The following C16orf74 variants were observed in gnomAD, a reference collection of about 807,000 sequenced individuals.
C16orf74 encodes uncharacterized protein C16orf74.
C16orf74 carries 10 observed loss-of-function variants against 6.5 expected under a neutral mutation model. The observed-to-expected ratio is 1.54, with a 90% CI of 0.95 to 2.61. The LOEUF is 2.61. Among genes scored for constraint, C16orf74 ranks in the 30% most tolerant of loss-of-function variants. The pLI, the probability that C16orf74 is intolerant of heterozygous loss-of-function variation, is 0.00. For synonymous variants in C16orf74, 60 were observed against 42.5 expected, an observed-to-expected ratio of 1.41 and a Z score of -1.60; for missense variants, 141 against 105.9, an observed-to-expected ratio of 1.33 and a Z score of -1.45.
At chr16:85,717,690 A>G (rs1301803991) in intron 2 of C16orf74, among the ~76,000 whole-genome samples, 3 of 152,172 alleles carry the variant, frequency 2.0e-5, no homozygotes, top group Non-Finnish European at 4.4e-5. Context: ...TCCTGCATTC[A>G]ACCCTCACAC....
chr16:85,711,251 G>C (rs2053966782), intron 2 of C16orf74, among the ~76,000 whole-genome samples: 2 of 150,860 alleles, frequency 1.3e-5, no homozygotes, highest in Non-Finnish European at 2.9e-5. Flanking sequence ...GGGAGGCAGA[G>C]GTTGAAGTAG....
At position 85,727,886 on chromosome 16, in the gene C16orf74, C is replaced by T. The variant is rs1218018993; in HGVS notation, c.28+7304G>A. Among the ~76,000 whole-genome samples, 10 of 150,504 alleles carry T rather than the reference C, an allele frequency of 6.6e-5. No homozygotes were observed. In the East Asian group the frequency reaches 1.4e-3, roughly 21 times the overall value. ...GGGTGCGGTGGCTCATGCCTGAAAT[C>T]CTAGCACCTTGGGAGGTCCAGGCTT... On this transcript the variant is annotated intron_variant, in intron 2 of 3. Coordinates refer to ENST00000284245, the MANE Select transcript of C16orf74 (RefSeq NM_206967.3).
Position 85,707,878 on chromosome 16 carries a change from A to C in C16orf74, c.*130T>G. The C allele has an allele frequency of 1.4e-6, 1 of 714,970 alleles. No homozygotes were observed. Among genetic ancestry groups the C allele is most frequent in the South Asian group, 1.8e-5 (1 of 56,980 alleles). 44.3% of individuals were successfully genotyped at this position (714,970 alleles called of 1,614,324 possible). On this transcript the variant is annotated 3_prime_UTR_variant, in exon 4 of 4. Coordinates refer to ENST00000284245, the MANE Select transcript of C16orf74 (RefSeq NM_206967.3). ...TCGCTGGTCCTGCCACGTCTCTCTG[A>C]GCGGAGGCCCGGGTTCGCTCAGTTC...
At chr16:85,733,155 G>A (rs1339748723) in intron 2 of C16orf74, among the ~76,000 whole-genome samples, 1 of 152,198 alleles carries the variant, frequency 6.6e-6, no homozygotes, top group Non-Finnish European at 1.5e-5. Context: ...ACAACCCAGT[G>A]TCCATCGTTG....
At chr16:85,710,419 G>C in intron 2 of C16orf74, 112 bp from the exon 3 acceptor site, 1 of 1,057,026 alleles carries the variant, frequency 9.5e-7, no homozygotes, top group Non-Finnish European at 1.3e-6. Flanking sequence ...CCTGGGTCCT[G>C]ACGCCTCGCA....
intron 1 of C16orf74, among the ~76,000 whole-genome samples, chr16:85,747,353 G>A (rs1413133472): frequency 2.0e-5 from 3 of 152,178 alleles, no homozygotes; most frequent in Non-Finnish European, 2.9e-5. Context: ...TTGGGGGGCT[G>A]AGTTGGGAGG....
At chr16:85,743,701 C>T (rs369584943) in intron 1 of C16orf74, 2 of 152,018 alleles carry the variant, frequency 1.3e-5, no homozygotes, top group Non-Finnish European at 2.9e-5. Flanking sequence ...AGCAGATCAC[C>T]TGAGGTCAGG....
intron 2 of C16orf74, among the ~76,000 whole-genome samples, chr16:85,718,690 T>C (rs1245328818): frequency 6.6e-6 from 1 of 152,214 alleles, no homozygotes; most frequent in Non-Finnish European, 1.5e-5. Flanking sequence ...TCTATATGCG[T>C]TTTGTGGATG....
At chr16:85,717,045 C>T (rs76096233) in intron 2 of C16orf74, among the ~76,000 whole-genome samples, 1,578 of 152,320 alleles carry the variant, frequency 0.01, 29 homozygotes, top group African/African-American at 0.035. Context: ...AGGAAGACCT[C>T]CCCACTTCCG....
chr16:85,724,580 C>G (rs1232119424), intron 2 of C16orf74, among the ~76,000 whole-genome samples: 4 of 151,484 alleles, frequency 2.6e-5, no homozygotes, highest in Non-Finnish European at 5.9e-5. Flanking sequence ...AAGAGCTGAA[C>G]CTGCCTGGTG....
intron 1 of C16orf74, among the ~76,000 whole-genome samples, chr16:85,737,421 G>A (rs1171196273): frequency 1.3e-5 from 2 of 152,196 alleles, no homozygotes; most frequent in African/African-American, 4.8e-5. Context: ...TTTTCTTCCG[G>A]ATTAGGTAAC....
chr16:85,747,381 G>A (rs2054385921), intron 1 of C16orf74, among the ~76,000 whole-genome samples: 2 of 152,116 alleles, frequency 1.3e-5, no homozygotes, highest in Admixed American at 6.6e-5. Context: ...GAGCCCAGGA[G>A]GTTGAGGCTG....
At chr16:85,737,559 G>A (rs1402599363) in intron 1 of C16orf74, among the ~76,000 whole-genome samples, 1 of 152,224 alleles carries the variant, frequency 6.6e-6, no homozygotes, top group Non-Finnish European at 1.5e-5. Context: ...CCTGGGCGCG[G>A]TGGCTCACGT....
Position 85,734,889 on chromosome 16 carries a change from G to T in C16orf74, c.28+301C>A, listed in dbSNP as rs1023191162. Among the ~76,000 whole-genome samples, 3 of 152,110 alleles carry T rather than the reference G, an allele frequency of 2.0e-5. No individual in the cohort carries two copies. The East Asian group carries it at 5.8e-4, about 29-fold the overall frequency. ...AGCCCAGCATATGCCTGGCTCCTTCGCAAAGGCCTCCTCCTCCCTCACTCT... is the reference window on the plus strand; with the variant it reads ...AGCCCAGCATATGCCTGGCTCCTTCTCAAAGGCCTCCTCCTCCCTCACTCT... On this transcript the variant is annotated intron_variant, in intron 2 of 3. Coordinates refer to ENST00000284245, the MANE Select transcript of C16orf74 (RefSeq NM_206967.3).
chr16:85,710,416 C>A, intron 2 of C16orf74, 109 bp from the exon 3 acceptor site: 1 of 1,085,390 alleles, frequency 9.2e-7, no homozygotes, highest in Non-Finnish European at 1.2e-6. Flanking sequence ...TCACCTGGGT[C>A]CTGACGCCTC....
At position 85,713,814 on chromosome 16, in the gene C16orf74, C is replaced by T. The variant is rs535349450; in HGVS notation, c.29-3507G>A. 4.9e-4 allele frequency among the ~76,000 whole-genome samples: 74 copies of T among 152,302 alleles called. 1 individual carries two copies. Among genetic ancestry groups the T allele is most frequent in the African/African-American group, 1.6e-3 (67 of 41,552 alleles). ...TGATGATGCTCTGTGCTGTCACGCA[C>T]CATCGTCAGGAGGAGTTGGTGCTGT... On this transcript the variant is annotated intron_variant, in intron 2 of 3. Transcript: ENST00000284245.
intron 1 of C16orf74, among the ~76,000 whole-genome samples, chr16:85,739,680 A>G (rs948605823): frequency 6.6e-6 from 1 of 152,014 alleles, no homozygotes; most frequent in African/African-American, 2.4e-5. Flanking sequence ...CATGCCTGTA[A>G]CCCAAGCTAC....
In C16orf74 at chr16:85,709,722, G is replaced by C. The variant is rs149907852; in HGVS notation, c.172+442C>G. 7.6e-3 allele frequency among the ~76,000 whole-genome samples: 1,164 copies of C among 152,334 alleles called. 11 individuals carry two copies. The highest frequency in any genetic ancestry group is 0.026 in the African/African-American group (1,093 of 41,572). On this transcript the variant is annotated intron_variant, in intron 3 of 3. Coordinates refer to ENST00000284245, the MANE Select transcript of C16orf74 (RefSeq NM_206967.3). ...CTCTATTTCCTCGCCGCTCCCAGCA[G>C]TGAGCTGCATCTGGAAGGCCCAGGG...
intron 2 of C16orf74, among the ~76,000 whole-genome samples, chr16:85,728,602 A>G (rs2054157758): frequency 6.6e-6 from 1 of 152,224 alleles, no homozygotes; most frequent in Non-Finnish European, 1.5e-5. Context: ...CTCTAGTGGG[A>G]AAGCCCATGC....
Sources: allele counts gnomAD v4.1 joint callset (sites outside exome capture counted in the v4.1 genomes callset), GRCh38; gene constraint gnomAD v4.1.1; transcripts MANE v1.5; gene names NCBI Gene and HGNC (gene_info 2026-07-23, HGNC 2026-07-21).